DZIP3: variants seen among roughly 807,000 people sequenced by gnomAD.
The protein encoded by DZIP3 is DAZ interacting zinc finger protein 3.
DZIP3 carries 118 observed loss-of-function variants against 162.0 expected under a neutral mutation model. That is an observed-to-expected ratio of 0.73 (90% CI 0.63 to 0.85). The LOEUF is 0.85. Ranked by LOEUF, DZIP3 falls within the 40% of genes least tolerant of loss-of-function variation. The pLI is 0.00. For synonymous variants in DZIP3, 438 were observed against 458.6 expected (o/e 0.96, Z 0.57); for missense variants, 1,331 against 1,407.0 (o/e 0.95, Z 0.86).
chr3:108,603,536 C>G (rs1344147048), intron 1 of DZIP3, among the ~76,000 whole-genome samples: 1 of 152,034 alleles, frequency 6.6e-6, no homozygotes, highest in Non-Finnish European at 1.5e-5. Context: ...TAACAATTAT[C>G]TAGGAAAACT....
chr3:108,627,569 T>C (rs1941640642), intron 7 of DZIP3, among the ~76,000 whole-genome samples: 1 of 152,232 alleles, frequency 6.6e-6, no homozygotes, highest in Non-Finnish European at 1.5e-5. Flanking sequence ...TAGACCATTA[T>C]TGTGTCCAAG....
chr3:108,624,746 A>G (rs1265848246), intron 6 of DZIP3, among the ~76,000 whole-genome samples: 1 of 152,116 alleles, frequency 6.6e-6, no homozygotes, highest in Non-Finnish European at 1.5e-5. Flanking sequence ...TTTCTAGTAT[A>G]GCTTAATCCC....
intron 7 of DZIP3, among the ~76,000 whole-genome samples, chr3:108,627,237 A>C (rs931097661): frequency 2.0e-5 from 3 of 152,218 alleles, no homozygotes; most frequent in Non-Finnish European, 4.4e-5. Context: ...AAACTGTTTT[A>C]TTCTCTTTAC....
chr3:108,642,341 G>C, intron 12 of DZIP3, 97 bp from the exon 13 acceptor site: 1 of 1,259,132 alleles, frequency 7.9e-7, no homozygotes, highest in Non-Finnish European at 1.1e-6. Context: ...TCTAGGAGAA[G>C]ATGAAAATAC....
intron 2 of DZIP3, 60 bp from the exon 3 acceptor site, chr3:108,608,029 T>A: frequency 1.5e-6 from 2 of 1,375,648 alleles, no homozygotes; most frequent in Non-Finnish European, 2.1e-6. Flanking sequence ...TCTTTACTAC[T>A]ACAATTTGTG....
At chr3:108,676,411 T>C (rs1428101278) in intron 25 of DZIP3, among the ~76,000 whole-genome samples, 2 of 152,122 alleles carry the variant, frequency 1.3e-5, no homozygotes, top group Non-Finnish European at 2.9e-5. Flanking sequence ...GTATTTGTTT[T>C]CAATCTAACT....
At chr3:108,658,833 C>G (rs1053538065) in intron 19 of DZIP3, among the ~76,000 whole-genome samples, 3 of 152,128 alleles carry the variant, frequency 2.0e-5, no homozygotes, top group African/African-American at 7.2e-5. Context: ...CACAGAAATA[C>G]AAACTACCAT....
At chr3:108,690,707 G>A in intron 31 of DZIP3, 80 bp from the exon 32 acceptor site, 1 of 1,265,052 alleles carries the variant, frequency 7.9e-7, no homozygotes, top group Non-Finnish European at 1.1e-6. Context: ...CATGTTGGTT[G>A]GTAACCCTGA....
At chr3:108,626,071 C>T (rs372373345) in intron 7 of DZIP3, 102 bp downstream of exon 7, 2 of 1,311,170 alleles carry the variant, frequency 1.5e-6, no homozygotes, top group Non-Finnish European at 2.1e-6. Flanking sequence ...CATTTGTGCT[C>T]TACTGTTTTA....
intron 7 of DZIP3, 64 bp from the exon 8 acceptor site, chr3:108,628,998 C>G: frequency 1.0e-6 from 1 of 982,710 alleles, no homozygotes; most frequent in East Asian, 2.8e-5. Context: ...TTTGTTGTCT[C>G]ATTGGTAAAC....
At chr3:108,601,045 AGTTT>A (rs1053550661) in intron 1 of DZIP3, among the ~76,000 whole-genome samples, 2 of 152,144 alleles carry the variant, frequency 1.3e-5, no homozygotes, top group Non-Finnish European at 2.9e-5. Context: ...TGTAGACGTA[AGTTT>A]GTTTGTGTCT....
At chr3:108,666,796 T>C (rs946403743) in intron 21 of DZIP3, among the ~76,000 whole-genome samples, 1 of 152,064 alleles carries the variant, frequency 6.6e-6, no homozygotes, top group African/African-American at 2.4e-5. Flanking sequence ...AAATAATCCA[T>C]GGGTCAAAGA....
At chr3:108,616,251 G>A (rs1158490492) in intron 4 of DZIP3, among the ~76,000 whole-genome samples, 2 of 149,240 alleles carry the variant, frequency 1.3e-5, no homozygotes, top group African/African-American at 2.5e-5. Context: ...GCGACAGAGC[G>A]AGACTCCATC....
intron 22 of DZIP3, among the ~76,000 whole-genome samples, 178 bp from the exon 23 acceptor site, chr3:108,672,382 T>C (rs1163555535): frequency 6.6e-6 from 1 of 151,972 alleles, no homozygotes; most frequent in Non-Finnish European, 1.5e-5. Context: ...ATACTCTTGA[T>C]AGTAAAGGAT....
At chr3:108,631,055 A>ACACACACACACACACCCTCT in intron 8 of DZIP3, among the ~76,000 whole-genome samples, 1 of 18,006 alleles carries the variant, frequency 5.6e-5, no homozygotes, top group African/African-American at 2.8e-4. Context: ...ACACACACAC[A>ACACACACACACACACCCTCT]CTCTCTCTCT....
At chr3:108,673,114 C>T (rs1943983448) in intron 23 of DZIP3, among the ~76,000 whole-genome samples, 1 of 151,930 alleles carries the variant, frequency 6.6e-6, no homozygotes, top group South Asian at 2.1e-4. Flanking sequence ...AACACCACAG[C>T]TAGGGTCTCT....
Position 108,648,084 on chromosome 3 carries a change from C to G in DZIP3, c.1934C>G (p.Ser645Ter), listed in dbSNP as rs1185270341. 6.2e-7 allele frequency: 1 copy of G among 1,605,272 alleles called. No homozygotes were observed. The highest frequency in any genetic ancestry group is 2.2e-5 in the East Asian group (1 of 44,670). The change falls in exon 16 of 33, where the codon TCA becomes TGA. Residue 645 changes from serine (S) to a stop codon, truncating the protein, a stop_gained. Coordinates refer to ENST00000361582, the MANE Select transcript of DZIP3 (RefSeq NM_014648.4). LOFTEE classifies it high-confidence loss of function. ...KDGTSIPSESSTESLKDLQEV... is the reference protein window; with the variant it reads ...KDGTSIPSES The stretch of plus-strand genomic sequence containing the variant: ...GGGACCTCAATACCCAGTGAATCTT[C>G]AACAGAATCTCTTAAAGATCTCCAG...
At position 108,644,491 on chromosome 3, in the gene DZIP3, A is replaced by C. The variant is rs768166412; in HGVS notation, c.1469A>C (p.Glu490Ala). The C allele has an allele frequency of 6.2e-7, 1 of 1,613,988 alleles. No homozygotes were observed. The highest frequency in any genetic ancestry group is 1.7e-5 in the Admixed American group (1 of 59,980). Residue 490 changes from glutamate (E) to alanine (A), a missense_variant, in exon 14 of 33, where the codon GAA (glutamate) becomes GCA (alanine). By Grantham distance (107) the Glu-to-Ala change is moderately radical. Transcript: ENST00000361582. ...GCACCCAAAAAAGGATGGAATATGG[A>C]ACCGCCATCTTCTGACATCTCTAAA... Reference protein sequence around the residue: ...FPAPKKGWNMEPPSSDISKSA... With the variant: ...FPAPKKGWNMAPPSSDISKSA...
Position 108,690,955 on chromosome 3 carries a change from TG to T in DZIP3, c.*6+53del, listed in dbSNP as rs1294734683. ...CAGTTTTCTTTTATTATGAGCTGCT[TG>T]TTTGAGTGGTGTAAAACTATGTGCT... On this transcript the variant is annotated intron_variant, in intron 32 of 32. Coordinates refer to ENST00000361582, the MANE Select transcript of DZIP3 (RefSeq NM_014648.4). 4.0e-6 allele frequency: 6 copies of T among 1,487,652 alleles called. No individual in the cohort carries two copies. The African/African-American group carries it at 8.3e-5, about 21-fold the overall frequency. The allele number at this position is 1,487,652 out of a possible 1,614,324, so 92.2% of individuals were successfully genotyped here.
Sources: gnomAD v4.1 joint callset for allele counts (sites outside exome capture counted in the v4.1 genomes callset) on GRCh38, gnomAD v4.1.1 for gene constraint, MANE v1.5 for transcripts, NCBI Gene and HGNC (gene_info 2026-07-23, HGNC 2026-07-21) for gene names.